The following TSN variants were observed in gnomAD, a reference collection of about 807,000 sequenced individuals.
TSN encodes the protein component 3 of promoter of RISC.
TSN carries 5 observed loss-of-function variants against 29.4 expected under a neutral mutation model. The observed-to-expected ratio is 0.17, with a 90% CI of 0.09 to 0.36. The LOEUF (loss-of-function observed/expected upper bound fraction) is 0.36. TSN is among the 10% of genes least tolerant of loss of function. TSN has a pLI of 1.00. For missense variants in TSN, 159 were observed against 272.8 expected, an observed-to-expected ratio of 0.58 and a Z score of 2.94; for synonymous variants, 106 against 102.2, an observed-to-expected ratio of 1.04 and a Z score of -0.23.
chr2:121,756,919 A>G (rs990811644), intron 1 of TSN, among the ~76,000 whole-genome samples: 16 of 152,070 alleles, frequency 1.1e-4, no homozygotes, highest in East Asian at 1.9e-4. Context: ...AAAAAAAAAA[A>G]AAAAAAGAAA....
At position 121,767,660 on chromosome 2, in the gene TSN, A is replaced by C. The variant is rs903824198; in HGVS notation, c.*2293A>C. ...GAACCAGCCATATACACTTGGGGAGATTTGCCACATCTTAAACTTGAATAA... is the reference window on the plus strand; with the variant it reads ...GAACCAGCCATATACACTTGGGGAGCTTTGCCACATCTTAAACTTGAATAA... On this transcript the variant is annotated 3_prime_UTR_variant, in exon 6 of 6. Transcript: ENST00000389682. 2 of 152,090 alleles carry C rather than the reference A, an allele frequency of 1.3e-5. No individual in the cohort carries two copies. Among genetic ancestry groups the C allele is most frequent in the Admixed American group, 6.6e-5 (1 of 15,246 alleles). The allele number at this position is 152,090 out of a possible 1,614,324, so 9.4% of individuals were successfully genotyped here.
rs540625717 is a variant in TSN, at chr2:121,763,063, T to A, written c.432T>A (p.Val144=). The change falls in exon 5 of 6, where the codon GTT becomes GTA. Residue 144 remains valine, a synonymous_variant. Coordinates refer to ENST00000389682, the MANE Select transcript of TSN (RefSeq NM_004622.3). ...HLDVEDYLSG[V]LILASELSRL... Reference sequence around the variant, plus strand: ...ATGTAGAAGATTATCTCTCAGGAGTTCTAATTCTTGCCAGTGAACTGGTAA... The same window carrying A: ...ATGTAGAAGATTATCTCTCAGGAGTACTAATTCTTGCCAGTGAACTGGTAA... 5 of 1,610,326 alleles carry A rather than the reference T, an allele frequency of 3.1e-6. No individual in the cohort carries two copies. Among genetic ancestry groups the A allele is most frequent in the Admixed American group, 1.7e-5 (1 of 59,268 alleles).
Position 121,758,010 on chromosome 2 carries a change from G to T in TSN, c.160+677G>T, listed in dbSNP as rs115187284. The stretch of plus-strand genomic sequence containing the variant: ...TGTGTTATCTAGTGACTTTTATTTG[G>T]CCCTTTGTGTGTGTGTGTGTGTATG... On this transcript the variant is annotated intron_variant, in intron 2 of 5. Coordinates refer to ENST00000389682, the MANE Select transcript of TSN (RefSeq NM_004622.3). Among the ~76,000 whole-genome samples the T allele has an allele frequency of 7.2e-3, 1,089 of 151,726 alleles. 14 individuals are homozygous for T. The highest frequency in any genetic ancestry group is 0.025 in the African/African-American group (1,047 of 41,360).
At chr2:121,756,439 G>T in intron 1 of TSN, 1 of 253,784 alleles carries the variant, frequency 3.9e-6, no homozygotes, top group Non-Finnish European at 8.6e-6. Context: ...TCTATTTCCT[G>T]TTATGTTTTC....
At chr2:121,756,598 G>A (rs556251486) in intron 1 of TSN, 1 of 1,294,706 alleles carries the variant, frequency 7.7e-7, no homozygotes, top group East Asian at 5.7e-5. Context: ...AGTATGCTCA[G>A]TGAATATTTT....
At chr2:121,761,384 G>T (rs1478317473) in intron 3 of TSN, 25 bp from the exon 4 acceptor site, 2 of 1,575,996 alleles carry the variant, frequency 1.3e-6, no homozygotes, top group Admixed American at 1.7e-5. Context: ...AACCTTGGAG[G>T]CTAAATGTGC....
chr2:121,763,137 GTT>G (rs1009875344), intron 5 of TSN, 53 bp downstream of exon 5: 16,480 of 501,830 alleles, frequency 0.033, no homozygotes, highest in East Asian at 0.04. Context: ...TTCACTGTCA[GTT>G]TTTTTTTTTT....
At chr2:121,759,459 T>C (rs1234445729) in intron 3 of TSN, among the ~76,000 whole-genome samples, 1 of 152,018 alleles carries the variant, frequency 6.6e-6, no homozygotes, top group Non-Finnish European at 1.5e-5. Context: ...AATACGAAAA[T>C]TAGCCAGGTG....
At chr2:121,758,891 A>G (rs1319745790) in intron 3 of TSN, 85 bp downstream of exon 3, 3 of 865,676 alleles carry the variant, frequency 3.5e-6, no homozygotes, top group Non-Finnish European at 3.3e-6. Flanking sequence ...GCTTACAACT[A>G]GGCAAACATC....
intron 5 of TSN, 30 bp from the exon 6 acceptor site, chr2:121,765,104 C>A (rs753371388): frequency 6.2e-7 from 1 of 1,604,908 alleles, no homozygotes; most frequent in Non-Finnish European, 8.5e-7. Flanking sequence ...CATGTTGTAA[C>A]AAGCCCCTGT....
chr2:121,758,033 A>C (rs2074773966), intron 2 of TSN, among the ~76,000 whole-genome samples: 1 of 149,646 alleles, frequency 6.7e-6, no homozygotes, highest in African/African-American at 2.5e-5. Context: ...GTGTGTGTGT[A>C]TGTGTGTATG....
At chr2:121,756,535 G>A in intron 1 of TSN, 1 of 769,194 alleles carries the variant, frequency 1.3e-6, no homozygotes, top group Non-Finnish European at 1.9e-6. Context: ...AACCGCCAGA[G>A]GGAAGGGATT....
intron 4 of TSN, among the ~76,000 whole-genome samples, chr2:121,761,879 G>A (rs1414431866): frequency 1.3e-5 from 2 of 151,660 alleles, no homozygotes; most frequent in Non-Finnish European, 2.9e-5. Flanking sequence ...GTGCAGTGGT[G>A]CAATCTCCGC....
intron 5 of TSN, 53 bp downstream of exon 5, chr2:121,763,137 GTTTTTTTTT>G (rs1009875344): frequency 2.0e-6 from 1 of 507,838 alleles, no homozygotes; most frequent in Non-Finnish European, 2.9e-6. Context: ...TTCACTGTCA[GTTTTTTTTT>G]TTTTTTTTTT....
intron 5 of TSN, 146 bp from the exon 6 acceptor site, chr2:121,764,988 T>A (rs1326186775): frequency 1.4e-6 from 1 of 723,652 alleles, no homozygotes; most frequent in Non-Finnish European, 2.4e-6. Context: ...GAGAAGCTCC[T>A]GTCTTGTCTG....
chr2:121,756,540 G>T, intron 1 of TSN: 1 of 816,886 alleles, frequency 1.2e-6, no homozygotes, highest in Non-Finnish European at 1.8e-6. Flanking sequence ...CCAGAGGGAA[G>T]GGATTGTGTG....
In TSN at chr2:121,765,593, A is replaced by G; in HGVS notation, c.*226A>G. On this transcript the variant is annotated 3_prime_UTR_variant, in exon 6 of 6. Coordinates refer to ENST00000389682, the MANE Select transcript of TSN (RefSeq NM_004622.3). ...TGTTGTTTCAGTGAATATGCCTGTA[A>G]TTCAGTGTATTTCAGTTCCGTCAGA... The G allele has an allele frequency of 3.5e-6, 2 of 564,346 alleles. No individual in the cohort carries two copies. Among genetic ancestry groups the G allele is most frequent in the South Asian group, 2.2e-5 (1 of 45,372 alleles). 35.0% of individuals were successfully genotyped at this position (564,346 alleles called of 1,614,324 possible). A position where few individuals can be genotyped will look rare whatever the true frequency, so the allele number is the denominator to read the frequency against.
Position 121,765,314 on chromosome 2 carries a change from CT to C in TSN, c.635del (p.Leu212ProfsTer36). On this transcript the variant is annotated frameshift_variant, in exon 6 of 6. Coordinates refer to ENST00000389682, the MANE Select transcript of TSN (RefSeq NM_004622.3). LOFTEE classifies it high-confidence loss of function. ...VKKVEEVVYD[L>X]SIRGFNKETA... is the part of the protein sequence containing the mutation. Reference sequence around the variant, plus strand: ...GAAAGTAGAGGAAGTGGTCTATGATCTCTCCATCCGGGGCTTTAATAAGGAG... The same window carrying C: ...GAAAGTAGAGGAAGTGGTCTATGATCCTCCATCCGGGGCTTTAATAAGGAG... 6.2e-7 allele frequency: 1 copy of C among 1,614,214 alleles called. No individual in the cohort carries two copies. The highest frequency in any genetic ancestry group is 1.3e-5 in the African/African-American group (1 of 75,052).
At chr2:121,764,276 GTTAGTA>G (rs192749017) in intron 5 of TSN, among the ~76,000 whole-genome samples, 15 of 152,120 alleles carry the variant, frequency 9.9e-5, no homozygotes, top group Admixed American at 5.9e-4. Context: ...GAAGCATCTT[GTTAGTA>G]TTAGTTAAGT....
Sources: gnomAD v4.1 joint callset for allele counts (sites outside exome capture counted in the v4.1 genomes callset) on GRCh38, gnomAD v4.1.1 for gene constraint, MANE v1.5 for transcripts, NCBI Gene and HGNC (gene_info 2026-07-23, HGNC 2026-07-21) for gene names.